ULK4: variants seen among roughly 807,000 people sequenced by gnomAD.
ULK4 encodes the protein inactive serine/threonine-protein kinase ULK4.
In ULK4, 133 loss-of-function variants were observed where a neutral mutation model predicts 160.6. That is an observed-to-expected ratio of 0.83 (90% CI 0.72 to 0.96). The LOEUF is 0.96. Among genes scored for constraint, ULK4 ranks in the 40% least tolerant of loss-of-function variants. ULK4 has a pLI of 0.00. For missense variants in ULK4, 1,580 were observed against 1,499.5 expected (o/e 1.05, Z -0.89); for synonymous variants, 534 against 539.8 (o/e 0.99, Z 0.15).
At chr3:41,839,486 A>G (rs913376512) in intron 17 of ULK4, among the ~76,000 whole-genome samples, 3 of 150,120 alleles carry the variant, frequency 2.0e-5, no homozygotes, top group African/African-American at 7.3e-5. Context: ...TTTTATTTCT[A>G]AATTTTAAAA....
chr3:41,378,522 T>A (rs2081566427), intron 35 of ULK4, among the ~76,000 whole-genome samples: 1 of 151,494 alleles, frequency 6.6e-6, no homozygotes, highest in South Asian at 2.1e-4. Flanking sequence ...ATCAGCAAAC[T>A]ATCGCAAGGA....
chr3:41,480,165 C>A (rs1157999306), intron 32 of ULK4, among the ~76,000 whole-genome samples: 2 of 143,606 alleles, frequency 1.4e-5, no homozygotes, highest in Non-Finnish European at 3.0e-5. Context: ...CAAGATTGCA[C>A]CACTGCGCTC....
At chr3:41,736,529 T>A (rs2038055717) in intron 22 of ULK4, among the ~76,000 whole-genome samples, 1 of 151,972 alleles carries the variant, frequency 6.6e-6, no homozygotes, top group Non-Finnish European at 1.5e-5. Context: ...GCCCACTTTG[T>A]GATGGGGTTG....
chr3:41,515,683 G>A (rs1391432033), intron 32 of ULK4, among the ~76,000 whole-genome samples: 1 of 152,168 alleles, frequency 6.6e-6, no homozygotes, highest in Non-Finnish European at 1.5e-5. Context: ...AAAACTATCA[G>A]ATCTCATGAG....
chr3:41,555,781 A>G (rs968894487), intron 32 of ULK4, among the ~76,000 whole-genome samples: 4 of 152,246 alleles, frequency 2.6e-5, no homozygotes, highest in Non-Finnish European at 5.9e-5. Flanking sequence ...ATGCCCATCA[A>G]TGATAGCCTG....
intron 21 of ULK4, among the ~76,000 whole-genome samples, chr3:41,776,418 T>C (rs2039624759): frequency 6.6e-6 from 1 of 150,748 alleles, no homozygotes; most frequent in Non-Finnish European, 1.5e-5. Context: ...TTTCATATTT[T>C]AGTCTTATGT....
chr3:41,816,301 T>C (rs1283550736), intron 19 of ULK4, among the ~76,000 whole-genome samples: 1 of 152,180 alleles, frequency 6.6e-6, no homozygotes, highest in East Asian at 1.9e-4. Flanking sequence ...ATCTAGGTGA[T>C]GGAAACAAAG....
At position 41,414,454 on chromosome 3, in the gene ULK4, A is replaced by G. The variant is rs141344114; in HGVS notation, c.3493-16190T>C. The stretch of plus-strand genomic sequence containing the variant: ...GTATTTACTTTCCGTTATCCAATCT[A>G]CACAATATAATGCATTTCAAAATCT... On this transcript the variant is annotated intron_variant, in intron 34 of 36. Transcript: ENST00000301831. Among the ~76,000 whole-genome samples the G allele has an allele frequency of 2.4e-3, 361 of 152,362 alleles. 3 individuals are homozygous for G. Among genetic ancestry groups the G allele is most frequent in the African/African-American group, 7.9e-3 (330 of 41,594 alleles).
chr3:41,896,833 G>A lies in ULK4; in HGVS notation c.1519C>T (p.His507Tyr), dbSNP rs1559635612. ...TCACACAGGCTTACCAGGGGGGAAT[G>A]GAGGAGCCTGGTGGCCACCTCCTGG... ...GHQEVATRLL[H>Y]SPLFQLLIQH... Residue 507 changes from histidine to tyrosine, a missense_variant, in exon 15 of 37, where the codon CAT (histidine) becomes TAT (tyrosine). His to Tyr is a moderately conservative substitution (Grantham distance 83). Transcript: ENST00000301831. 1.2e-6 allele frequency: 2 copies of A among 1,612,504 alleles called. No homozygotes were observed.
At chr3:41,380,922 G>A (rs754127518) in intron 35 of ULK4, among the ~76,000 whole-genome samples, 3 of 152,030 alleles carry the variant, frequency 2.0e-5, no homozygotes, top group Admixed American at 6.6e-5. Context: ...TGCTCCTCTT[G>A]CATGTGTCTC....
intron 35 of ULK4, chr3:41,259,790 T>C (rs927794762): frequency 2.0e-5 from 3 of 152,172 alleles, no homozygotes; most frequent in Non-Finnish European, 4.4e-5. Flanking sequence ...TCAATATCTG[T>C]AGTGATCTTG....
At chr3:41,865,270 TTAAAAAAAAAAAAAAAAAAAAAA>T (rs1306863159) in intron 17 of ULK4, among the ~76,000 whole-genome samples, 1 of 65,636 alleles carries the variant, frequency 1.5e-5, no homozygotes, top group Non-Finnish European at 2.9e-5. Context: ...GACTCTGTCT[TTAAAAAAAAAAAAAAAAAAAAAA>T]AAAAAAAAAA....
chr3:41,928,420 C>G (rs746342793), intron 5 of ULK4, among the ~76,000 whole-genome samples: 1 of 151,866 alleles, frequency 6.6e-6, no homozygotes, highest in Non-Finnish European at 1.5e-5. Flanking sequence ...AATTGACACC[C>G]TAACATCGCA....
chr3:41,857,484 C>G (rs548796376), intron 17 of ULK4, among the ~76,000 whole-genome samples: 1 of 152,074 alleles, frequency 6.6e-6, no homozygotes, highest in South Asian at 2.1e-4. Context: ...ACTCTCTCCT[C>G]GTCTTATTTT....
At chr3:41,511,079 C>T (rs1454591861) in intron 32 of ULK4, among the ~76,000 whole-genome samples, 1 of 149,004 alleles carries the variant, frequency 6.7e-6, no homozygotes, top group Non-Finnish European at 1.5e-5. Context: ...AGGAGAATGG[C>T]ATGAACCTGG....
intron 30 of ULK4, among the ~76,000 whole-genome samples, chr3:41,647,012 T>C (rs1363737376): frequency 5.3e-5 from 8 of 152,352 alleles, no homozygotes; most frequent in South Asian, 4.1e-4. Context: ...GCATTCTTCA[T>C]GTAGTTCTCG....
chr3:41,536,529 C>T (rs1451496405), intron 32 of ULK4, among the ~76,000 whole-genome samples: 3 of 152,156 alleles, frequency 2.0e-5, no homozygotes, highest in African/African-American at 4.8e-5. Flanking sequence ...GACTGGGAAT[C>T]TTACTGATAA....
intron 35 of ULK4, among the ~76,000 whole-genome samples, chr3:41,306,147 CCCCG>C (rs2079922802): frequency 1.2e-4 from 14 of 121,112 alleles, no homozygotes; most frequent in Non-Finnish European, 1.7e-4. Context: ...GGGGTCAGCC[CCCCG>C]CCAGGCCAGC....
chr3:41,705,015 T>G, intron 27 of ULK4, 42 bp downstream of exon 27: 1 of 1,517,582 alleles, frequency 6.6e-7, no homozygotes, highest in African/African-American at 1.4e-5. Context: ...AATTACCAAG[T>G]AAATTTAAAA....
Sources: allele counts gnomAD v4.1 joint callset (sites outside exome capture counted in the v4.1 genomes callset), GRCh38; gene constraint gnomAD v4.1.1; transcripts MANE v1.5; gene names NCBI Gene and HGNC (gene_info 2026-07-23, HGNC 2026-07-21).